Variants in SYT9 observed in about 807,000 individuals in gnomAD.
SYT9 encodes synaptotagmin-9.
SYT9 carries 22 observed loss-of-function variants against 48.4 expected under a neutral mutation model. That is an observed-to-expected ratio of 0.45 (90% CI 0.32 to 0.65). The LOEUF (loss-of-function observed/expected upper bound fraction) is 0.65. Ranked by LOEUF, SYT9 falls within the 30% of genes least tolerant of loss-of-function variation. The pLI is 0.03. For missense variants in SYT9, 577 were observed against 622.0 expected, an observed-to-expected ratio of 0.93 and a Z score of 0.77; for synonymous variants, 265 against 245.0, an observed-to-expected ratio of 1.08 and a Z score of -0.76.
At chr11:7,345,090 T>C (rs572906096) in intron 3 of SYT9, among the ~76,000 whole-genome samples, 27 of 152,300 alleles carry the variant, frequency 1.8e-4, no homozygotes, top group Non-Finnish European at 3.8e-4. Flanking sequence ...GTACATCGTC[T>C]TTACCTTCCC....
chr11:7,434,295 C>T (rs1357289856), intron 6 of SYT9, among the ~76,000 whole-genome samples: 3 of 152,152 alleles, frequency 2.0e-5, no homozygotes, highest in African/African-American at 7.2e-5. Context: ...AAAGGCTGAG[C>T]ATCTCGTGCT....
intron 3 of SYT9, among the ~76,000 whole-genome samples, chr11:7,394,009 G>A (rs1181979697): frequency 1.3e-5 from 2 of 149,338 alleles, no homozygotes; most frequent in Non-Finnish European, 3.0e-5. Flanking sequence ...TGTGCACAAC[G>A]TGCAGGCTTG....
intron 1 of SYT9, among the ~76,000 whole-genome samples, chr11:7,282,398 C>T (rs967730200): frequency 1.3e-5 from 2 of 152,102 alleles, no homozygotes; most frequent in Non-Finnish European, 2.9e-5. Flanking sequence ...CAACTGATTC[C>T]ATGGTCCTGG....
intron 3 of SYT9, among the ~76,000 whole-genome samples, chr11:7,324,772 A>T (rs1473449476): frequency 1.3e-5 from 2 of 151,866 alleles, no homozygotes; most frequent in African/African-American, 4.8e-5. Flanking sequence ...AGATTATTTG[A>T]TATCTGTTCA....
chr11:7,435,559 A>G (rs1304520007), intron 6 of SYT9: 1 of 152,232 alleles, frequency 6.6e-6, no homozygotes, highest in Admixed American at 6.5e-5. Context: ...TATATGAAAT[A>G]ACTGTATTCC....
chr11:7,360,852 G>C (rs1206838013), intron 3 of SYT9, among the ~76,000 whole-genome samples: 1 of 152,002 alleles, frequency 6.6e-6, no homozygotes, highest in African/African-American at 2.4e-5. Context: ...TTTTTGAGGT[G>C]GGTTTTAAAT....
chr11:7,256,078 A>G (rs1847963661), intron 1 of SYT9, among the ~76,000 whole-genome samples: 2 of 152,188 alleles, frequency 1.3e-5, no homozygotes, highest in African/African-American at 4.8e-5. Context: ...ACCTTTGGCT[A>G]TTAGGAGGTA....
intron 3 of SYT9, among the ~76,000 whole-genome samples, chr11:7,355,787 C>T (rs1346336196): frequency 6.6e-6 from 1 of 152,192 alleles, no homozygotes; most frequent in African/African-American, 2.4e-5. Flanking sequence ...TTCAATGTCA[C>T]CTGGAGCTGG....
At position 7,262,122 on chromosome 11, in the gene SYT9, G is replaced by T. The variant is rs117863574; in HGVS notation, c.145+9791G>T. On this transcript the variant is annotated intron_variant, in intron 1 of 6. Transcript: ENST00000318881. Reference sequence around the variant, plus strand: ...GATAGCAGTGGAGATAGTAGGAGGTGGTCAGATTCTGGGTAGCTGGAAGGT... The same window carrying T: ...GATAGCAGTGGAGATAGTAGGAGGTTGTCAGATTCTGGGTAGCTGGAAGGT... Among the ~76,000 whole-genome samples, 21 of 152,110 alleles carry T rather than the reference G, an allele frequency of 1.4e-4. No individual in the cohort carries two copies. The East Asian group carries it at 4.1e-3, about 29-fold the overall frequency.
At chr11:7,270,832 GACAC>G (rs56891844) in intron 1 of SYT9, among the ~76,000 whole-genome samples, 36,524 of 146,892 alleles carry the variant, frequency 0.25, 4,416 homozygotes, top group Middle Eastern at 0.32. Context: ...ACAAGACACA[GACAC>G]ACACACACAC....
At chr11:7,389,143 A>T (rs1850715146) in intron 3 of SYT9, among the ~76,000 whole-genome samples, 1 of 152,190 alleles carries the variant, frequency 6.6e-6, no homozygotes, top group South Asian at 2.1e-4. Context: ...TCTGCCTAAG[A>T]GTTCTTTATA....
intron 1 of SYT9, among the ~76,000 whole-genome samples, chr11:7,265,631 C>A (rs1848164903): frequency 6.6e-6 from 1 of 151,018 alleles, no homozygotes; most frequent in African/African-American, 2.4e-5. Flanking sequence ...GCAAGGAAAC[C>A]CAAACTCGAA....
In SYT9 at chr11:7,313,665, A is replaced by C. The variant is rs1319720292; in HGVS notation, c.768A>C (p.Ser256=). The C allele has an allele frequency of 1.2e-6, 2 of 1,614,106 alleles. No homozygotes were observed. Among genetic ancestry groups the C allele is most frequent in the Admixed American group, 3.3e-5 (2 of 60,006 alleles). The change falls in exon 3 of 7, where the codon TCA becomes TCC. Residue 256 remains serine (S), a synonymous_variant. Transcript: ENST00000318881. The part of the protein sequence containing the change: ...NLPAKDFSGT[S]DPYVKIYLLP... The stretch of plus-strand genomic sequence containing the variant: ...CCGCCAAGGACTTTTCTGGGACTTC[A>C]GATCCTTATGTCAAGATCTATTTGC...
intron 1 of SYT9, among the ~76,000 whole-genome samples, chr11:7,291,373 G>T (rs1848694059): frequency 6.6e-6 from 1 of 152,172 alleles, no homozygotes; most frequent in South Asian, 2.1e-4. Flanking sequence ...CTAAAGGGCA[G>T]CACATATAAA....
chr11:7,297,244 T>A (rs966786803), intron 1 of SYT9, among the ~76,000 whole-genome samples: 50 of 152,116 alleles, frequency 3.3e-4, no homozygotes, highest in African/African-American at 1.2e-3. Flanking sequence ...CCAAAATATG[T>A]TTTATTTTTA....
intron 3 of SYT9, among the ~76,000 whole-genome samples, chr11:7,332,949 A>G (rs995779286): frequency 1.3e-5 from 2 of 152,232 alleles, no homozygotes; most frequent in African/African-American, 4.8e-5. Flanking sequence ...TGGAAGTATT[A>G]CTATCCAAAA....
At chr11:7,395,805 A>G (rs1846741142) in intron 3 of SYT9, among the ~76,000 whole-genome samples, 1 of 151,856 alleles carries the variant, frequency 6.6e-6, no homozygotes, top group African/African-American at 2.4e-5. Flanking sequence ...CTGTCACTCT[A>G]TGTCATTTAA....
chr11:7,393,264 G>A (rs1211868735), intron 3 of SYT9, among the ~76,000 whole-genome samples: 1 of 148,140 alleles, frequency 6.8e-6, no homozygotes, highest in Non-Finnish European at 1.5e-5. Flanking sequence ...CTATTTTGAG[G>A]TATGTTCCTT....
At chr11:7,258,920 G>A (rs1564838813) in intron 1 of SYT9, among the ~76,000 whole-genome samples, 1 of 151,928 alleles carries the variant, frequency 6.6e-6, no homozygotes, top group Non-Finnish European at 1.5e-5. Flanking sequence ...TGTGTTCCTG[G>A]ACAAGTTATT....
Sources: allele counts gnomAD v4.1 joint callset (sites outside exome capture counted in the v4.1 genomes callset), GRCh38; gene constraint gnomAD v4.1.1; transcripts MANE v1.5; gene names NCBI Gene and HGNC (gene_info 2026-07-23, HGNC 2026-07-21).